Variants in KSR2 observed in about 807,000 individuals in gnomAD.
The protein encoded by KSR2 is kinase suppressor of ras 2.
A neutral mutation model predicts 107.8 loss-of-function variants in KSR2; 25 were observed. The observed-to-expected ratio is 0.23, with a 90% CI of 0.17 to 0.32. The LOEUF is 0.32. Ranked by LOEUF, KSR2 falls within the 10% of genes least tolerant of loss-of-function variation. The pLI is 1.00. For missense variants in KSR2, 887 were observed against 1,268.9 expected, an observed-to-expected ratio of 0.70 and a Z score of 4.57; for synonymous variants, 480 against 507.0, an observed-to-expected ratio of 0.95 and a Z score of 0.71.
chr12:117,534,591 G>C (rs1428458041), intron 10 of KSR2, among the ~76,000 whole-genome samples: 1 of 152,014 alleles, frequency 6.6e-6, no homozygotes, highest in Non-Finnish European at 1.5e-5. Context: ...CTTTTCATGA[G>C]AACTGGGGCT....
intron 3 of KSR2, among the ~76,000 whole-genome samples, chr12:117,844,477 TG>T (rs149498309): frequency 0.6 from 79,199 of 132,480 alleles, 21,678 homozygotes; most frequent in Admixed American, 0.71. Flanking sequence ...CCTCCTCTTC[TG>T]AGTATTTTTT....
chr12:117,628,494 C>T (rs57072811), intron 5 of KSR2, among the ~76,000 whole-genome samples: 15,926 of 152,226 alleles, frequency 0.1, 1,978 homozygotes, highest in African/African-American at 0.3. Context: ...TAGAGTTCTA[C>T]TCCAGACCCT....
intron 4 of KSR2, among the ~76,000 whole-genome samples, chr12:117,733,428 G>A (rs1207911429): frequency 6.6e-6 from 1 of 152,168 alleles, no homozygotes; most frequent in African/African-American, 2.4e-5. Context: ...TCTTAGATCA[G>A]GGGTCAGCGT....
chr12:117,778,627 C>T (rs1168906906), intron 3 of KSR2, among the ~76,000 whole-genome samples: 1 of 152,200 alleles, frequency 6.6e-6, no homozygotes, highest in East Asian at 1.9e-4. Flanking sequence ...TCTGCATCCT[C>T]TGAGAAACAG....
At chr12:117,856,570 G>A (rs554381682) in intron 2 of KSR2, among the ~76,000 whole-genome samples, 4 of 152,038 alleles carry the variant, frequency 2.6e-5, no homozygotes, top group South Asian at 2.1e-4. Flanking sequence ...TCCACCTCCC[G>A]GGTTCAAGCG....
At chr12:117,772,519 A>G (rs1889531756) in intron 3 of KSR2, among the ~76,000 whole-genome samples, 1 of 148,310 alleles carries the variant, frequency 6.7e-6, no homozygotes, top group African/African-American at 2.5e-5. Flanking sequence ...CCAAAGACGC[A>G]CACACACTCA....
Position 117,495,271 on chromosome 12 carries a change from C to T in KSR2, c.2220-9580G>A, listed in dbSNP as rs1012988425. On this transcript the variant is annotated intron_variant, in intron 14 of 19. Transcript: ENST00000339824. ...ATAAATCACATTCCAAGTTACAGGTCGCACACTCCATCAAATTCCAGCCTC... is the reference window on the plus strand; with the variant it reads ...ATAAATCACATTCCAAGTTACAGGTTGCACACTCCATCAAATTCCAGCCTC... 5.3e-5 allele frequency among the ~76,000 whole-genome samples: 8 copies of T among 152,182 alleles called. No homozygotes were observed. The South Asian group carries it at 6.2e-4, about 12-fold the overall frequency.
chr12:117,743,866 A>G (rs1888308801), intron 4 of KSR2, among the ~76,000 whole-genome samples: 1 of 152,140 alleles, frequency 6.6e-6, no homozygotes, highest in African/African-American at 2.4e-5. Flanking sequence ...GAGAGAGAGA[A>G]GCAGAAGATT....
intron 5 of KSR2, among the ~76,000 whole-genome samples, chr12:117,640,885 C>G (rs991628892): frequency 2.0e-5 from 3 of 152,160 alleles, no homozygotes; most frequent in African/African-American, 4.8e-5. Flanking sequence ...TCACTTCCCC[C>G]CAAAAGCACC....
chr12:117,582,302 G>C lies in KSR2; in HGVS notation c.1229C>G (p.Ser410Cys). ...PQIPRRDLGN[S>C]IKHRFSTKYW... ...GAATCCAGCCTACCTGTGCTTGATG[G>C]AGTTGCCGAGATCTCTGCGAGGGAT... The change falls in exon 6 of 20, where the codon TCC (serine) becomes TGC (cysteine). Residue 410 changes from serine (S) to cysteine (C), a missense_variant. Ser to Cys is a moderately radical substitution (Grantham distance 112). This residue lies in a region of KSR2 where 399 missense variants were observed against 479.5 expected (regional missense o/e 0.83). Coordinates refer to ENST00000339824, the MANE Select transcript of KSR2 (RefSeq NM_173598.6). 6.2e-7 allele frequency: 1 copy of C among 1,613,792 alleles called. No individual in the cohort carries two copies. The highest frequency in any genetic ancestry group is 8.5e-7 in the Non-Finnish European group (1 of 1,179,788).
At chr12:117,717,675 G>A (rs1255148181) in intron 4 of KSR2, among the ~76,000 whole-genome samples, 36 of 23,846 alleles carry the variant, frequency 1.5e-3, no homozygotes, top group African/African-American at 4.8e-3. Context: ...AGGTGTGTGT[G>A]TGTGTGTGTG....
chr12:117,922,935 C>T (rs937227138), intron 1 of KSR2, among the ~76,000 whole-genome samples: 14 of 152,166 alleles, frequency 9.2e-5, no homozygotes, highest in African/African-American at 2.9e-4. Context: ...TGGGGACATA[C>T]GAACATACAG....
chr12:117,938,370 T>C (rs974299647), intron 1 of KSR2, among the ~76,000 whole-genome samples: 2 of 151,980 alleles, frequency 1.3e-5, no homozygotes, highest in African/African-American at 2.4e-5. Flanking sequence ...GCAGACATCA[T>C]AGGCCAGGTG....
intron 4 of KSR2, among the ~76,000 whole-genome samples, chr12:117,746,112 C>T (rs145815737): frequency 6.6e-6 from 1 of 152,034 alleles, no homozygotes; most frequent in Non-Finnish European, 1.5e-5. Context: ...AAAAAAGAGC[C>T]CTTATAGCCA....
At chr12:117,611,550 C>T (rs2136317868) in intron 5 of KSR2, among the ~76,000 whole-genome samples, 1 of 151,748 alleles carries the variant, frequency 6.6e-6, no homozygotes, top group East Asian at 1.9e-4. Flanking sequence ...TTATAGAAAG[C>T]TTATGTTCTT....
intron 4 of KSR2, among the ~76,000 whole-genome samples, chr12:117,675,054 C>T (rs487894): frequency 0.55 from 84,380 of 152,046 alleles, 24,177 homozygotes; most frequent in Middle Eastern, 0.68. Context: ...ACCACTTCCT[C>T]AGAGATGCCA....
At chr12:117,824,354 T>G (rs1891665344) in intron 3 of KSR2, among the ~76,000 whole-genome samples, 1 of 152,116 alleles carries the variant, frequency 6.6e-6, no homozygotes, top group Non-Finnish European at 1.5e-5. Flanking sequence ...AGATCAGTAG[T>G]GTGACTATAG....
intron 2 of KSR2, among the ~76,000 whole-genome samples, chr12:117,858,458 G>T (rs1047893356): frequency 6.6e-6 from 1 of 152,114 alleles, no homozygotes; most frequent in Non-Finnish European, 1.5e-5. Flanking sequence ...ATGGGGTGGG[G>T]TGGGGGCCTG....
intron 5 of KSR2, among the ~76,000 whole-genome samples, chr12:117,640,540 C>T (rs560253563): frequency 1.3e-5 from 2 of 152,330 alleles, no homozygotes; most frequent in East Asian, 3.9e-4. Context: ...GTGTGAGCCA[C>T]CGTGCCCAGC....
Sources: gnomAD v4.1 joint callset for allele counts (sites outside exome capture counted in the v4.1 genomes callset) on GRCh38, gnomAD v4.1.1 for gene constraint, gnomAD v4.1.1 regional missense constraint, MANE v1.5 for transcripts, NCBI Gene and HGNC (gene_info 2026-07-23, HGNC 2026-07-21) for gene names.